The following DNM3 variants were observed in gnomAD, a reference collection of about 807,000 sequenced individuals.
The protein encoded by DNM3 is dynamin 3.
A neutral mutation model predicts 101.6 loss-of-function variants in DNM3; 47 were observed. That is an observed-to-expected ratio of 0.46 (90% CI 0.37 to 0.59). DNM3 has a LOEUF of 0.59. Among genes scored for constraint, DNM3 ranks in the 20% least tolerant of loss-of-function variants. The probability of loss-of-function intolerance (pLI) is 0.00; values close to 1 mark genes in which losing one functional copy is unlikely to be tolerated. For synonymous variants in DNM3, 385 were observed against 387.9 expected, an observed-to-expected ratio of 0.99 and a Z score of 0.09; for missense variants, 849 against 1,085.7, an observed-to-expected ratio of 0.78 and a Z score of 3.06.
At chr1:172,178,581 GAT>G (rs903381674) in intron 14 of DNM3, among the ~76,000 whole-genome samples, 44 of 151,970 alleles carry the variant, frequency 2.9e-4, no homozygotes, top group African/African-American at 1.1e-3. Flanking sequence ...AAGGTAGTAA[GAT>G]AGTGCATGCC....
chr1:172,032,526 CTTTTTT>C (rs750270768), intron 5 of DNM3, 26 bp downstream of exon 5: 4,496 of 359,730 alleles, frequency 0.012, 85 homozygotes, highest in African/African-American at 0.031. Flanking sequence ...CTATACAAGA[CTTTTTT>C]TTTTTTTTTT....
chr1:172,272,200 T>C (rs2063114787), intron 15 of DNM3, among the ~76,000 whole-genome samples: 1 of 152,126 alleles, frequency 6.6e-6, no homozygotes, highest in Non-Finnish European at 1.5e-5. Flanking sequence ...TGCTTGTGTG[T>C]ACTTCTTATT....
chr1:172,109,113 T>C (rs927614129), intron 13 of DNM3, among the ~76,000 whole-genome samples: 1 of 152,246 alleles, frequency 6.6e-6, no homozygotes, highest in African/African-American at 2.4e-5. Flanking sequence ...TTTTGTCTTT[T>C]ATAAGAAAGT....
chr1:171,865,794 A>T (rs1207786134), intron 1 of DNM3, among the ~76,000 whole-genome samples: 2 of 152,196 alleles, frequency 1.3e-5, no homozygotes, highest in East Asian at 3.8e-4. Context: ...CAGCAAATAC[A>T]GTAGCTTCCT....
At chr1:172,197,024 A>G (rs2059976158) in intron 14 of DNM3, among the ~76,000 whole-genome samples, 2 of 151,802 alleles carry the variant, frequency 1.3e-5, no homozygotes, top group South Asian at 4.2e-4. Flanking sequence ...TGTATTCTAG[A>G]GTTTTTATTG....
chr1:171,986,853 A>T (rs1256146498), intron 2 of DNM3, among the ~76,000 whole-genome samples: 1 of 152,164 alleles, frequency 6.6e-6, no homozygotes, highest in Non-Finnish European at 1.5e-5. Flanking sequence ...ATTTATACTC[A>T]TTTAAAAAAT....
chr1:172,006,011 T>C (rs2046663678), intron 4 of DNM3, among the ~76,000 whole-genome samples: 1 of 152,052 alleles, frequency 6.6e-6, no homozygotes, highest in Non-Finnish European at 1.5e-5. Context: ...TTGTGGTCAA[T>C]AGTCACTAAT....
At chr1:172,016,078 T>C (rs1451993846) in intron 4 of DNM3, among the ~76,000 whole-genome samples, 1 of 151,750 alleles carries the variant, frequency 6.6e-6, no homozygotes, top group Non-Finnish European at 1.5e-5. Context: ...TCCCAGCTAC[T>C]TGGGAGGCTG....
chr1:172,244,565 A>G (rs2061876268), intron 14 of DNM3, among the ~76,000 whole-genome samples: 1 of 152,146 alleles, frequency 6.6e-6, no homozygotes, highest in East Asian at 1.9e-4. Context: ...GACACTTCTC[A>G]AAAGAAGACA....
intron 1 of DNM3, 92 bp from the exon 2 acceptor site, chr1:171,921,656 G>T (rs1323372738): frequency 3.0e-5 from 29 of 980,748 alleles, no homozygotes; most frequent in Non-Finnish European, 4.6e-5. Context: ...GAAAGGTTGG[G>T]AATTAGGAGA....
chr1:172,197,824 T>A (rs2060009210), intron 14 of DNM3, among the ~76,000 whole-genome samples: 2 of 152,124 alleles, frequency 1.3e-5, no homozygotes, highest in Admixed American at 1.3e-4. Flanking sequence ...GACTCTGTGG[T>A]TTTCTAGATA....
intron 1 of DNM3, among the ~76,000 whole-genome samples, chr1:171,903,360 T>C (rs2038545437): frequency 6.6e-6 from 1 of 152,216 alleles, no homozygotes; most frequent in Non-Finnish European, 1.5e-5. Context: ...TGTACTTGGA[T>C]ACCATTTTGA....
intron 10 of DNM3, among the ~76,000 whole-genome samples, chr1:172,050,348 A>C (rs185474588): frequency 6.6e-6 from 1 of 152,190 alleles, no homozygotes; most frequent in African/African-American, 2.4e-5. Flanking sequence ...GCTTCTCTTT[A>C]GGTTGTCCAT....
chr1:172,220,468 G>A (rs2060866874), intron 14 of DNM3, among the ~76,000 whole-genome samples: 1 of 152,184 alleles, frequency 6.6e-6, no homozygotes, highest in Non-Finnish European at 1.5e-5. Flanking sequence ...TCAAGTGCAT[G>A]TAGAGTTAAG....
At chr1:172,156,839 T>A (rs1374557682) in intron 14 of DNM3, among the ~76,000 whole-genome samples, 1 of 152,122 alleles carries the variant, frequency 6.6e-6, no homozygotes, top group Non-Finnish European at 1.5e-5. Context: ...TCCTTTTAAG[T>A]TAGAAGACTT....
At chr1:172,375,250 T>G (rs1186689880) in intron 17 of DNM3, among the ~76,000 whole-genome samples, 25 of 152,062 alleles carry the variant, frequency 1.6e-4, no homozygotes, top group Admixed American at 1.6e-3. Context: ...AATAGCACAA[T>G]TGTTTTATGT....
chr1:172,281,027 C>T (rs1191448708), intron 15 of DNM3, among the ~76,000 whole-genome samples: 2 of 151,908 alleles, frequency 1.3e-5, no homozygotes, highest in Non-Finnish European at 2.9e-5. Context: ...GAAAGAGACT[C>T]TTTATAACTG....
At chr1:171,929,825 AAAG>A (rs1277333434) in intron 2 of DNM3, among the ~76,000 whole-genome samples, 1 of 152,212 alleles carries the variant, frequency 6.6e-6, no homozygotes, top group African/African-American at 2.4e-5. Flanking sequence ...GATCCTCTTA[AAAG>A]AGTGGTCTGG....
chr1:172,386,991 G>A (rs1219078933), intron 18 of DNM3, 142 bp from the exon 19 acceptor site: 6 of 655,708 alleles, frequency 9.2e-6, no homozygotes, highest in South Asian at 1.9e-5. Context: ...GTAAACAGAC[G>A]CTTGGTGCTT....
Sources: gnomAD v4.1 joint callset for allele counts (sites outside exome capture counted in the v4.1 genomes callset) on GRCh38, gnomAD v4.1.1 for gene constraint, MANE v1.5 for transcripts, NCBI Gene and HGNC (gene_info 2026-07-23, HGNC 2026-07-21) for gene names.